GMDS: variants seen among roughly 807,000 people sequenced by gnomAD.
The protein encoded by GMDS is GDP-mannose 4,6 dehydratase.
Under a neutral mutation model 49.9 loss-of-function variants are expected in GMDS, and 20 were observed. That is an observed-to-expected ratio of 0.40 (90% CI 0.28 to 0.58). The LOEUF (loss-of-function observed/expected upper bound fraction) is 0.58, where lower values mean the gene tolerates loss of function less well. Among genes scored for constraint, GMDS ranks in the 20% least tolerant of loss-of-function variants. The pLI is 0.42. For missense variants in GMDS, 362 were observed against 481.4 expected (o/e 0.75, Z 2.32); for synonymous variants, 177 against 178.6 (o/e 0.99, Z 0.07).
chr6:1,925,638 G>A lies in GMDS; in HGVS notation c.771+4465C>T, dbSNP rs548919054. Reference sequence around the variant, plus strand: ...CTTCATGATGGAAATTCACTGACAAGTAAAAAAGTGTCAGTCACTTCATCT... The same window carrying A: ...CTTCATGATGGAAATTCACTGACAAATAAAAAAGTGTCAGTCACTTCATCT... On this transcript the variant is annotated intron_variant, in intron 7 of 10. Transcript: ENST00000380815. Among the ~76,000 whole-genome samples, 10 of 152,298 alleles carry A rather than the reference G, an allele frequency of 6.6e-5. No homozygotes were observed. In the South Asian group the frequency reaches 1.9e-3, roughly 28 times the overall value.
chr6:1,939,079 A>G (rs1762689157), intron 6 of GMDS, among the ~76,000 whole-genome samples: 1 of 150,186 alleles, frequency 6.7e-6, no homozygotes, highest in Admixed American at 6.7e-5. Flanking sequence ...CTGCCTGGGC[A>G]TTTTTACATT....
chr6:1,956,286 T>C (rs1250280506), intron 6 of GMDS, among the ~76,000 whole-genome samples: 3 of 152,218 alleles, frequency 2.0e-5, no homozygotes, highest in Non-Finnish European at 2.9e-5. Context: ...CAGCCATAGA[T>C]GATATATAAA....
At chr6:1,765,053 A>T (rs1431671557) in intron 7 of GMDS, among the ~76,000 whole-genome samples, 3 of 152,158 alleles carry the variant, frequency 2.0e-5, no homozygotes, top group African/African-American at 7.2e-5. Flanking sequence ...CCCCAGTGTG[A>T]CTTCTCAATG....
chr6:2,206,680 G>A (rs1200814754), intron 1 of GMDS, among the ~76,000 whole-genome samples: 1 of 152,190 alleles, frequency 6.6e-6, no homozygotes, highest in Non-Finnish European at 1.5e-5. Context: ...CACTCATTCA[G>A]ACTGCTGGGC....
chr6:1,731,007 C>T (rs1429165634), intron 8 of GMDS, among the ~76,000 whole-genome samples: 1 of 152,114 alleles, frequency 6.6e-6, no homozygotes, highest in Non-Finnish European at 1.5e-5. Context: ...CCACATCTAC[C>T]ACCTTTGACG....
chr6:2,212,979 T>A (rs1162451284), intron 1 of GMDS, among the ~76,000 whole-genome samples: 1 of 152,190 alleles, frequency 6.6e-6, no homozygotes, highest in Non-Finnish European at 1.5e-5. Context: ...TTAACTTGTA[T>A]CCCCTAAGGT....
intron 1 of GMDS, among the ~76,000 whole-genome samples, chr6:2,133,596 G>A (rs1334152175): frequency 6.6e-6 from 1 of 152,168 alleles, no homozygotes. Context: ...TCAACTCTCT[G>A]ATGCATTTCA....
chr6:2,119,686 T>C (rs1020282678), intron 2 of GMDS, among the ~76,000 whole-genome samples: 1 of 152,190 alleles, frequency 6.6e-6, no homozygotes, highest in African/African-American at 2.4e-5. Context: ...GAAAAAGATA[T>C]GAGGTGTTAG....
At chr6:2,093,302 A>G (rs1773421744) in intron 4 of GMDS, among the ~76,000 whole-genome samples, 1 of 152,224 alleles carries the variant, frequency 6.6e-6, no homozygotes, top group Non-Finnish European at 1.5e-5. Context: ...TTGAAAAAAC[A>G]CAAATAAGTA....
At chr6:2,165,818 CA>C (rs1777640908) in intron 1 of GMDS, among the ~76,000 whole-genome samples, 1 of 151,988 alleles carries the variant, frequency 6.6e-6, no homozygotes, top group South Asian at 2.1e-4. Flanking sequence ...AACAAGAGAA[CA>C]CTTTGAAATA....
In GMDS at chr6:2,071,310, A is replaced by G. The variant is rs191881182; in HGVS notation, c.345+44461T>C. On this transcript the variant is annotated intron_variant, in intron 4 of 10. Transcript: ENST00000380815. The stretch of plus-strand genomic sequence containing the variant: ...ATTTTTCTTTCTACATACCTTTTCT[A>G]CTTCTTATCCTGATGAATTGGTCTC... Among the ~76,000 whole-genome samples the G allele has an allele frequency of 2.9e-4, 44 of 152,254 alleles. No individual in the cohort carries two copies. The East Asian group carries it at 8.5e-3, about 29-fold the overall frequency.
At chr6:2,096,190 A>G (rs1179790977) in intron 4 of GMDS, among the ~76,000 whole-genome samples, 1 of 152,190 alleles carries the variant, frequency 6.6e-6, no homozygotes, top group Non-Finnish European at 1.5e-5. Flanking sequence ...CAGTTTGCAG[A>G]GTAAAAGGGT....
chr6:1,704,257 G>C (rs564070785), intron 9 of GMDS, among the ~76,000 whole-genome samples: 17 of 152,000 alleles, frequency 1.1e-4, no homozygotes, highest in Non-Finnish European at 2.1e-4. Flanking sequence ...GCAGGGGTGG[G>C]GGCAGCCTGA....
intron 4 of GMDS, among the ~76,000 whole-genome samples, chr6:1,985,926 T>C (rs529746730): frequency 1.3e-5 from 2 of 152,344 alleles, no homozygotes; most frequent in East Asian, 1.9e-4. Context: ...CTGGCACTAG[T>C]GGTATTTGGG....
At chr6:1,668,368 A>C (rs1197326140) in intron 9 of GMDS, among the ~76,000 whole-genome samples, 2 of 152,232 alleles carry the variant, frequency 1.3e-5, no homozygotes, top group Non-Finnish European at 2.9e-5. Context: ...AGGCCTTTGA[A>C]TTATAAACTG....
intron 6 of GMDS, chr6:1,952,025 T>C (rs1763362722): frequency 4.1e-6 from 4 of 976,352 alleles, no homozygotes; most frequent in African/African-American, 1.7e-5. Flanking sequence ...ATATGTACAA[T>C]ATTTACATGA....
intron 4 of GMDS, among the ~76,000 whole-genome samples, chr6:1,991,507 T>C (rs1031013757): frequency 1.2e-4 from 19 of 152,216 alleles, no homozygotes; most frequent in Non-Finnish European, 2.6e-4. Context: ...GGGTGGCCAA[T>C]GATAGGCTTG....
Position 1,659,374 on chromosome 6 carries a change from G to C in GMDS, c.988-34834C>G, listed in dbSNP as rs117905546. 2.1e-4 allele frequency among the ~76,000 whole-genome samples: 32 copies of C among 152,238 alleles called. 1 individual carries two copies. In the East Asian group the frequency reaches 4.4e-3, roughly 21 times the overall value. On this transcript the variant is annotated intron_variant, in intron 9 of 10. Transcript: ENST00000380815. Reference sequence around the variant, plus strand: ...ATCCCAATGAGGTCCCATGGGGACAGAGTTTCAACTAAAGCAGGTCTCTTG... The same window carrying C: ...ATCCCAATGAGGTCCCATGGGGACACAGTTTCAACTAAAGCAGGTCTCTTG...
chr6:1,847,082 G>A (rs560198513), intron 7 of GMDS, among the ~76,000 whole-genome samples: 1 of 152,082 alleles, frequency 6.6e-6, no homozygotes, highest in Non-Finnish European at 1.5e-5. Flanking sequence ...AATAAAAGAC[G>A]GTCTTGCTCT....
Sources: gnomAD v4.1 joint callset for allele counts (sites outside exome capture counted in the v4.1 genomes callset) on GRCh38, gnomAD v4.1.1 for gene constraint, MANE v1.5 for transcripts, NCBI Gene and HGNC (gene_info 2026-07-23, HGNC 2026-07-21) for gene names.